Variants in GDF5 observed in about 807,000 individuals in gnomAD.
The protein encoded by GDF5 is growth differentiation factor 5, also known as growth/differentiation factor 5.
In GDF5, 17 loss-of-function variants were observed where a neutral mutation model predicts 34.6. The ratio of observed to expected loss-of-function variants is 0.49; its 90% confidence interval spans 0.34 to 0.74. The LOEUF (loss-of-function observed/expected upper bound fraction) is 0.74, where lower values mean the gene tolerates loss of function less well. Ranked by LOEUF, GDF5 falls within the 30% of genes least tolerant of loss-of-function variation. GDF5 has a pLI of 0.01. For synonymous variants in GDF5, 332 were observed against 290.7 expected, an observed-to-expected ratio of 1.14 and a Z score of -1.44; for missense variants, 616 against 661.2, an observed-to-expected ratio of 0.93 and a Z score of 0.75.
chr20:35,450,402 T>C (rs1240564228), intron 1 of GDF5, among the ~76,000 whole-genome samples: 6 of 151,796 alleles, frequency 4.0e-5, no homozygotes, highest in African/African-American at 1.5e-4. Context: ...AAGAGGAAAG[T>C]GGTTGACTTT....
chr20:35,442,936 C>G (rs2062502699), upstream of GDF5, among the ~76,000 whole-genome samples: 1 of 151,820 alleles, frequency 6.6e-6, no homozygotes, highest in Non-Finnish European at 1.5e-5. Context: ...CATTTTATAC[C>G]CAAAAAGCCT....
intron 1 of GDF5, among the ~76,000 whole-genome samples, chr20:35,448,059 A>G (rs1298238318): frequency 6.6e-6 from 1 of 152,192 alleles, no homozygotes; most frequent in Non-Finnish European, 1.5e-5. Flanking sequence ...TTCAAATAAT[A>G]CCAAAGTTTA....
chr20:35,437,327 G>C lies in GDF5; in HGVS notation c.602C>G (p.Thr201Ser). ...SVKLEAGLAN[T>S]ITSFIDKGQD... ...CCCTTTGTCAATAAAGCTGGTGATG[G>C]TGTTGGCCAGGCCAGCCTCCAACTT... The change falls in exon 1 of 2, where the codon ACC becomes AGC. Residue 201 changes from threonine to serine, a missense_variant. Transcript: ENST00000374369. 1.2e-6 allele frequency: 2 copies of C among 1,613,186 alleles called. No individual in the cohort carries two copies. Among genetic ancestry groups the C allele is most frequent in the South Asian group, 2.2e-5 (2 of 91,040 alleles).
At position 35,446,007 on chromosome 20, in the gene GDF5, CAATAA is replaced by C. The variant is rs746487412; in HGVS notation, c.-397-4625_-397-4621del. ...TAAAAATAAATAAATAAAAATAAAA[CAATAA>C]AATAAAATAAATAAGCCAGGTGTGG... On this transcript the variant is annotated intron_variant, in intron 1 of 3. Transcript: ENST00000374372. Among the ~76,000 whole-genome samples the C allele has an allele frequency of 4.5e-4, 67 of 147,738 alleles. 1 individual carries two copies. Among genetic ancestry groups the C allele is most frequent in the Middle Eastern group, 3.7e-3 (1 of 272 alleles).
At chr20:35,440,934 T>C (rs2062495550), upstream of GDF5, among the ~76,000 whole-genome samples, 1 of 152,194 alleles carries the variant, frequency 6.6e-6, no homozygotes, top group Non-Finnish European at 1.5e-5. Context: ...AAAATCATCA[T>C]TTTCTACTTT....
chr20:35,448,009 T>C (rs2062519092), intron 1 of GDF5, among the ~76,000 whole-genome samples: 1 of 152,184 alleles, frequency 6.6e-6, no homozygotes. Flanking sequence ...ATACCAAATA[T>C]ATTTGATTAT....
chr20:35,435,926 A>T (rs1302868861), intron 1 of GDF5, among the ~76,000 whole-genome samples: 3 of 152,098 alleles, frequency 2.0e-5, no homozygotes, highest in African/African-American at 7.2e-5. Flanking sequence ...GTATGTAAGA[A>T]GGTGTGTGTG....
intron 1 of GDF5, chr20:35,435,547 CT>C (rs2146581075): frequency 7.0e-6 from 1 of 143,206 alleles, no homozygotes; most frequent in South Asian, 2.4e-4. Flanking sequence ...AGTTAGATGA[CT>C]TGCTCAAATT....
chr20:35,434,096 TGGGAG>T lies in GDF5; in HGVS notation c.1314_1318del (p.Ser439ProfsTer40). 1 of 1,613,994 alleles carries T rather than the reference TGGGAG, an allele frequency of 6.2e-7. No individual in the cohort carries two copies. Among genetic ancestry groups the T allele is most frequent in the Non-Finnish European group, 8.5e-7 (1 of 1,179,904 alleles). On this transcript the variant is annotated frameshift_variant, in exon 2 of 2. Transcript: ENST00000374369. LOFTEE classifies it high-confidence loss of function. ...GACTGCATGATTCGTGGGCTCCAGG[TGGGAG>T]CGCAATGGGAACTCGCACAGCCCCT...
chr20:35,442,534 C>T (rs1463641457), upstream of GDF5, among the ~76,000 whole-genome samples: 2 of 125,218 alleles, frequency 1.6e-5, no homozygotes, highest in Non-Finnish European at 3.3e-5. Context: ...TCTTGATACC[C>T]GTCTTTTTTT....
At chr20:35,446,596 C>T (rs1221369970) in intron 1 of GDF5, among the ~76,000 whole-genome samples, 1 of 151,842 alleles carries the variant, frequency 6.6e-6, no homozygotes, top group African/African-American at 2.4e-5. Context: ...AGCCACTGCA[C>T]CTGGCTAATC....
At chr20:35,435,049 C>CGT in intron 1 of GDF5, 1 of 621,272 alleles carries the variant, frequency 1.6e-6, no homozygotes, top group Non-Finnish European at 3.0e-6. Context: ...TCATGATATA[C>CGT]GTGTTATCAG....
Position 35,434,128 on chromosome 20 carries a change from G to A in GDF5, c.1287C>T (p.Cys429=), listed in dbSNP as rs2062457114. 6.2e-7 allele frequency: 1 copy of A among 1,614,142 alleles called. No homozygotes were observed. The highest frequency in any genetic ancestry group is 8.5e-7 in the Non-Finnish European group (1 of 1,180,004). ...GCAATGGGAACTCGCACAGCCCCTCGCAGTGGAAAGCCTCGTACTCAAGGG... is the reference window on the plus strand; with the variant it reads ...GCAATGGGAACTCGCACAGCCCCTCACAGTGGAAAGCCTCGTACTCAAGGG... The part of the protein sequence containing the change: ...IAPLEYEAFH[C]EGLCEFPLRS... Residue 429 remains cysteine (C), a synonymous_variant, in exon 2 of 2, where the codon TGC becomes TGT. Coordinates refer to ENST00000374369, the MANE Select transcript of GDF5 (RefSeq NM_000557.5).
At chr20:35,439,225 C>T (rs1423776927), upstream of GDF5, among the ~76,000 whole-genome samples, 1 of 151,042 alleles carries the variant, frequency 6.6e-6, no homozygotes, top group East Asian at 1.9e-4. Context: ...AAAGCCATTT[C>T]CCACATGACG....
At chr20:35,442,795 C>T (rs1227104688), upstream of GDF5, among the ~76,000 whole-genome samples, 1 of 152,104 alleles carries the variant, frequency 6.6e-6, no homozygotes, top group Non-Finnish European at 1.5e-5. Flanking sequence ...ATCTGCCCAC[C>T]TCGGCCTCCC....
At position 35,434,377 on chromosome 20, in the gene GDF5, G is replaced by A. The variant is rs747633024; in HGVS notation, c.1038C>T (p.Gly346=). Residue 346 remains glycine (G), a synonymous_variant, in exon 2 of 2, where the codon GGC becomes GGT. Transcript: ENST00000374369. ...AGAACAGGTCCCGTTTCTTGGTGCGGCCAAACACCAGGAACAGGGCTTTCT... is the reference window on the plus strand; with the variant it reads ...AGAACAGGTCCCGTTTCTTGGTGCGACCAAACACCAGGAACAGGGCTTTCT... ...VHEKALFLVF[G]RTKKRDLFFN... The A allele has an allele frequency of 8.7e-6, 14 of 1,613,614 alleles. No individual in the cohort carries two copies. The highest frequency in any genetic ancestry group is 1.6e-4 in the Middle Eastern group (1 of 6,084).
chr20:35,453,096 A>C (rs1426802161), intron 1 of GDF5, among the ~76,000 whole-genome samples: 2 of 152,074 alleles, frequency 1.3e-5, no homozygotes, highest in Non-Finnish European at 2.9e-5. Context: ...AAAAATACAA[A>C]AAAATTAGCC....
rs1378665712 is a variant in GDF5 at position 35,433,708 on chromosome 20, ATCC to A, written c.*198_*200del. ...TGGTCACATCAGCAGACGGGCAGCA[ATCC>A]TCAGCCAGGGGAACTTGTGGATAAA... On this transcript the variant is annotated 3_prime_UTR_variant, in exon 2 of 2. Coordinates refer to ENST00000374369, the MANE Select transcript of GDF5 (RefSeq NM_000557.5). 1.5e-6 allele frequency: 1 copy of A among 646,988 alleles called. No homozygotes were observed. The highest frequency in any genetic ancestry group is 1.8e-5 in the African/African-American group (1 of 56,170). 40.1% of individuals were successfully genotyped at this position (646,988 alleles called of 1,614,324 possible).
intron 1 of GDF5, among the ~76,000 whole-genome samples, chr20:35,448,629 A>T (rs1039262002): frequency 6.6e-6 from 1 of 151,862 alleles, no homozygotes; most frequent in African/African-American, 2.4e-5. Flanking sequence ...TTTTTAGTAG[A>T]GACAGGGTTT....
Sources: gnomAD v4.1 joint callset for allele counts (sites outside exome capture counted in the v4.1 genomes callset) on GRCh38, gnomAD v4.1.1 for gene constraint, MANE v1.5 for transcripts, NCBI Gene and HGNC (gene_info 2026-07-23, HGNC 2026-07-21) for gene names.